The following PDZD2 variants were observed in gnomAD, a reference collection of about 807,000 sequenced individuals.
PDZD2 encodes PDZ domain-containing protein 2.
PDZD2 carries 90 observed loss-of-function variants against 220.7 expected under a neutral mutation model. The observed-to-expected ratio is 0.41, with a 90% CI of 0.34 to 0.49. PDZD2 has a LOEUF of 0.49. Among genes scored for constraint, PDZD2 ranks in the 20% least tolerant of loss-of-function variants. PDZD2 has a pLI of 0.28. For synonymous variants in PDZD2, 1,375 were observed against 1,450.5 expected, an observed-to-expected ratio of 0.95 and a Z score of 1.18; for missense variants, 3,174 against 3,608.5, an observed-to-expected ratio of 0.88 and a Z score of 3.08.
At chr5:31,776,375 C>T (rs1752643841) in intron 1 of PDZD2, among the ~76,000 whole-genome samples, 2 of 152,182 alleles carry the variant, frequency 1.3e-5, no homozygotes, top group African/African-American at 4.8e-5. Flanking sequence ...CAACTGCCTC[C>T]CTGCCCTGTG....
intron 7 of PDZD2, 59 bp downstream of exon 7, chr5:32,037,401 A>G (rs1755644162): frequency 3.2e-6 from 3 of 948,394 alleles, no homozygotes; most frequent in Admixed American, 2.0e-5. Flanking sequence ...CCTCAGGAGC[A>G]GGGAGATGAA....
intron 6 of PDZD2, among the ~76,000 whole-genome samples, chr5:32,014,731 T>TTTTTTTTTTTTTTTTTTTTTTTTTG (rs1753629486): frequency 1.3e-5 from 1 of 74,628 alleles, no homozygotes; most frequent in African/African-American, 4.2e-5. Flanking sequence ...TTTTTTTTTT[T>TTTTTTTTTTTTTTTTTTTTTTTTTG]TTTGAGATGG....
intron 2 of PDZD2, among the ~76,000 whole-genome samples, chr5:31,918,942 G>T (rs1197169264): frequency 2.6e-5 from 4 of 152,214 alleles, no homozygotes; most frequent in African/African-American, 9.7e-5. Flanking sequence ...TTTGGGAACC[G>T]CTGAGTGCTG....
At chr5:32,091,346 G>A (rs1344843327) in intron 20 of PDZD2, among the ~76,000 whole-genome samples, 171 bp downstream of exon 20, 3 of 145,106 alleles carry the variant, frequency 2.1e-5, no homozygotes, top group African/African-American at 7.7e-5. Flanking sequence ...GTGCAATGGC[G>A]CGATCTCGGC....
rs570948848 is a variant in PDZD2 at position 31,765,330 on chromosome 5, G to A, written c.-360-33559G>A. 1.2e-3 allele frequency among the ~76,000 whole-genome samples: 187 copies of A among 152,196 alleles called. 2 individuals are homozygous for A. Among genetic ancestry groups the A allele is most frequent in the African/African-American group, 4.1e-3 (169 of 41,524 alleles). The stretch of plus-strand genomic sequence containing the variant: ...TGCTCTTCCTCCCTCCCAGAACATC[G>A]GTGACCACACTTCCCTCTAGTTTGC... On this transcript the variant is annotated intron_variant, in intron 1 of 24. Coordinates refer to ENST00000438447, the MANE Select transcript of PDZD2 (RefSeq NM_178140.4).
chr5:31,871,948 C>T (rs1278105965), intron 2 of PDZD2, among the ~76,000 whole-genome samples: 3 of 151,986 alleles, frequency 2.0e-5, no homozygotes, highest in African/African-American at 7.3e-5. Context: ...TCCTCGGTCT[C>T]CTAAAGTGTT....
intron 2 of PDZD2, among the ~76,000 whole-genome samples, chr5:31,881,857 C>A (rs1370331375): frequency 6.6e-6 from 1 of 151,378 alleles, no homozygotes; most frequent in Non-Finnish European, 1.5e-5. Context: ...TGGGACTACA[C>A]GCATGCATCA....
intron 2 of PDZD2, among the ~76,000 whole-genome samples, chr5:31,899,388 C>T (rs924138716): frequency 1.4e-4 from 21 of 152,180 alleles, no homozygotes; most frequent in Admixed American, 7.2e-4. Flanking sequence ...CCACCTCATC[C>T]TCCCAAACTG....
Position 31,920,707 on chromosome 5 carries a change from A to G in PDZD2, c.477-62448A>G, listed in dbSNP as rs545410839. 3.3e-5 allele frequency among the ~76,000 whole-genome samples: 5 copies of G among 152,252 alleles called. 1 individual carries two copies. The South Asian group carries it at 1.0e-3, about 32-fold the overall frequency. On this transcript the variant is annotated intron_variant, in intron 2 of 24. Coordinates refer to ENST00000438447, the MANE Select transcript of PDZD2 (RefSeq NM_178140.4). ...TGTATAATGACACACCAAATGTATAATGACATGTATCCATCATTATCATAC... is the reference window on the plus strand; with the variant it reads ...TGTATAATGACACACCAAATGTATAGTGACATGTATCCATCATTATCATAC...
intron 2 of PDZD2, among the ~76,000 whole-genome samples, chr5:31,934,036 C>T (rs891302352): frequency 3.9e-5 from 6 of 152,252 alleles, no homozygotes; most frequent in East Asian, 1.9e-4. Flanking sequence ...ATCCACCCTT[C>T]GTTGAGAGAA....
intron 1 of PDZD2, among the ~76,000 whole-genome samples, chr5:31,712,429 G>A (rs1209769357): frequency 6.7e-6 from 1 of 149,618 alleles, no homozygotes; most frequent in East Asian, 2.0e-4. Context: ...GTTCAGCTGG[G>A]GCACTGGGAT....
chr5:31,689,306 TAC>T (rs1390307400), intron 1 of PDZD2, among the ~76,000 whole-genome samples: 18 of 120,788 alleles, frequency 1.5e-4, no homozygotes, highest in African/African-American at 5.8e-4. Context: ...CATATACACA[TAC>T]ATACATATAC....
intron 2 of PDZD2, among the ~76,000 whole-genome samples, chr5:31,960,332 C>T (rs1234171028): frequency 6.6e-6 from 1 of 150,406 alleles, no homozygotes; most frequent in African/African-American, 2.4e-5. Context: ...ATTCTTCTGC[C>T]TCAGCCTCCT....
chr5:32,041,922 A>AAAAG (rs199973689), intron 7 of PDZD2, among the ~76,000 whole-genome samples: 3,401 of 149,750 alleles, frequency 0.023, 83 homozygotes, highest in Non-Finnish European at 0.035. Flanking sequence ...AAAAAAAAAA[A>AAAAG]AAAACATCAA....
At position 32,108,074 on chromosome 5, in the gene PDZD2, TGAA is replaced by T; in HGVS notation, c.8461_8463del (p.Lys2821del). On this transcript the variant is annotated inframe_deletion, in exon 25 of 25. Coordinates refer to ENST00000438447, the MANE Select transcript of PDZD2 (RefSeq NM_178140.4). Reference sequence around the variant, plus strand: ...ATGCACTTTGATGCCTGGAATATTATGAAGTCTGTCCCAGAAGGACCTGTGCAG... The same window carrying T: ...ATGCACTTTGATGCCTGGAATATTATGTCTGTCCCAGAAGGACCTGTGCAG... 1 of 1,611,674 alleles carries T rather than the reference TGAA, an allele frequency of 6.2e-7. No homozygotes were observed. The highest frequency in any genetic ancestry group is 8.5e-7 in the Non-Finnish European group (1 of 1,177,778).
At chr5:31,856,701 A>G (rs1758475769) in intron 2 of PDZD2, among the ~76,000 whole-genome samples, 1 of 152,060 alleles carries the variant, frequency 6.6e-6, no homozygotes, top group African/African-American at 2.4e-5. Flanking sequence ...GTGTCGTTGA[A>G]GAGAATGGTG....
At chr5:31,808,159 C>T (rs1339812655) in intron 2 of PDZD2, among the ~76,000 whole-genome samples, 2 of 152,106 alleles carry the variant, frequency 1.3e-5, no homozygotes, top group Non-Finnish European at 2.9e-5. Flanking sequence ...AAGGGTCCTG[C>T]CTACCTGAAT....
At chr5:31,670,300 A>G (rs953940346) in intron 1 of PDZD2, among the ~76,000 whole-genome samples, 1 of 152,198 alleles carries the variant, frequency 6.6e-6, no homozygotes, top group African/African-American at 2.4e-5. Flanking sequence ...CAGTCATATC[A>G]GGACTTTAGT....
At chr5:31,999,993 C>T in intron 4 of PDZD2, 146 bp from the exon 5 acceptor site, 1 of 645,546 alleles carries the variant, frequency 1.5e-6, no homozygotes, top group South Asian at 2.0e-5. Context: ...ACAATCGCAT[C>T]CCCAACTGCC....
Sources: allele counts gnomAD v4.1 joint callset (sites outside exome capture counted in the v4.1 genomes callset), GRCh38; gene constraint gnomAD v4.1.1; transcripts MANE v1.5; gene names NCBI Gene and HGNC (gene_info 2026-07-23, HGNC 2026-07-21).